Variants in NODAL observed in about 807,000 individuals in gnomAD.
NODAL encodes nodal growth differentiation factor, also known as nodal homolog.
NODAL carries 12 observed loss-of-function variants against 34.0 expected under a neutral mutation model. The ratio of observed to expected loss-of-function variants is 0.35; its 90% CI spans 0.23 to 0.57. The LOEUF (loss-of-function observed/expected upper bound fraction) is 0.57, where lower values mean the gene tolerates loss of function less well. Among genes scored for constraint, NODAL ranks in the 20% least tolerant of loss-of-function variants. The pLI is 0.83. For missense variants in NODAL, 390 were observed against 444.2 expected (o/e 0.88, Z 1.10); for synonymous variants, 162 against 186.4 (o/e 0.87, Z 1.07).
At chr10:70,443,326 G>A (rs1845452995), upstream of NODAL, among the ~76,000 whole-genome samples, 1 of 152,142 alleles carries the variant, frequency 6.6e-6, no homozygotes, top group East Asian at 1.9e-4. Context: ...AGCTGGAAAT[G>A]TCTTGTTCAT....
chr10:70,432,779 A>G lies in NODAL; in HGVS notation c.*157T>C. 1 of 817,680 alleles carries G rather than the reference A, an allele frequency of 1.2e-6. No homozygotes were observed. The highest frequency in any genetic ancestry group is 2.0e-6 in the Non-Finnish European group (1 of 489,798). The allele number at this position is 817,680 out of a possible 1,614,324, so 50.7% of individuals were successfully genotyped here. A position where few individuals can be genotyped will look rare whatever the true frequency, so the allele number is the denominator to read the frequency against. ...TTGGCCAGACTCCACTGAGCCCTTC[A>G]TTTACAGAGTGGGCAGCCCCTCCTC... On this transcript the variant is annotated 3_prime_UTR_variant, in exon 3 of 3. Coordinates refer to ENST00000287139, the MANE Select transcript of NODAL (RefSeq NM_018055.5).
At chr10:70,434,855 T>G (rs1237164488) in intron 2 of NODAL, 2 of 202,162 alleles carry the variant, frequency 9.9e-6, no homozygotes, top group Admixed American at 1.1e-4. Context: ...GCCCTCCTCA[T>G]CTTACAGGTG....
rs1845268736 is a variant in NODAL, at chr10:70,432,048, C to T, written c.*888G>A. 6.6e-6 allele frequency among the ~76,000 whole-genome samples: 1 copy of T among 152,222 alleles called. No individual in the cohort carries two copies. Among genetic ancestry groups the T allele is most frequent in the South Asian group, 2.1e-4 (1 of 4,830 alleles). On this transcript the variant is annotated 3_prime_UTR_variant, in exon 3 of 3. Coordinates refer to ENST00000287139, the MANE Select transcript of NODAL (RefSeq NM_018055.5). ...GGACAGTGAATTGCTCACCTGAGGT[C>T]GCACAGCTTCCAGTGGCTGAGCTGT...
intron 1 of NODAL, 143 bp downstream of exon 1, chr10:70,441,329 GGCC>G (rs1328099971): frequency 1.2e-6 from 1 of 815,826 alleles, no homozygotes; most frequent in Non-Finnish European, 1.9e-6. Context: ...CGCAGAGCTA[GGCC>G]CTGGGCTCGG....
chr10:70,440,418 G>T (rs1845412595), intron 1 of NODAL, among the ~76,000 whole-genome samples: 1 of 152,208 alleles, frequency 6.6e-6, no homozygotes, highest in Non-Finnish European at 1.5e-5. Flanking sequence ...TCCGGAGAGG[G>T]TCACCGGCTG....
intron 1 of NODAL, chr10:70,436,549 ACT>A (rs36079485): frequency 0.48 from 58,485 of 122,842 alleles, 13,586 homozygotes; most frequent in East Asian, 0.68. Context: ...CAAGAGTGAA[ACT>A]CTGTCTCAAA....
chr10:70,435,263 C>T (rs1405253495), intron 2 of NODAL, 23 bp downstream of exon 2: 1 of 1,583,948 alleles, frequency 6.3e-7, no homozygotes, highest in Non-Finnish European at 8.6e-7. Context: ...TGCCTCCCCT[C>T]CCCCTCACGC....
chr10:70,441,503 T>C lies in NODAL; in HGVS notation c.165A>G (p.Ala55=), dbSNP rs142452380. The change falls in exon 1 of 3, where the codon GCA becomes GCG. Residue 55 remains alanine (A), a synonymous_variant. Transcript: ENST00000287139. ...CTGCCTGTAGGCTGCGGATGATGTC[T>C]GCCCTCGGCAGCGGGTCGCGGTAGA... ...LSLYRDPLPR[A]DIIRSLQAED... The C allele has an allele frequency of 6.3e-6, 10 of 1,593,688 alleles. No individual in the cohort carries two copies. The African/African-American group carries it at 9.4e-5, about 15-fold the overall frequency.
chr10:70,434,242 G>C (rs1478778331), intron 2 of NODAL, among the ~76,000 whole-genome samples: 1 of 152,266 alleles, frequency 6.6e-6, no homozygotes, highest in East Asian at 1.9e-4. Context: ...ACCATATTAG[G>C]TTATATTTTC....
chr10:70,433,307 T>C (rs532756844), intron 2 of NODAL, among the ~76,000 whole-genome samples: 1 of 152,356 alleles, frequency 6.6e-6, no homozygotes, highest in South Asian at 2.1e-4. Flanking sequence ...AAACAGCCTT[T>C]AAACAGATTC....
In NODAL at chr10:70,432,608, CG is replaced by C. The variant is rs1301757886; in HGVS notation, c.*327del. 8 of 387,708 alleles carry C rather than the reference CG, an allele frequency of 2.1e-5. No individual in the cohort carries two copies. The highest frequency in any genetic ancestry group is 3.4e-5 in the Non-Finnish European group (7 of 203,194). The allele number at this position is 387,708 out of a possible 1,614,324, so 24.0% of individuals were successfully genotyped here. The stretch of plus-strand genomic sequence containing the variant: ...ATGTCTCAACTTTCACATACAGTTT[CG>C]GGGGGTTCACAGGTTTTTAAAAAAT... On this transcript the variant is annotated 3_prime_UTR_variant, in exon 3 of 3. Transcript: ENST00000287139.
At chr10:70,436,026 C>G (rs1845349302) in intron 1 of NODAL, 43 bp from the exon 2 acceptor site, 1 of 1,522,556 alleles carries the variant, frequency 6.6e-7, no homozygotes, top group African/African-American at 1.4e-5. Context: ...TGAGTGAGGG[C>G]CTCCCCCAGC....
chr10:70,435,897 G>A lies in NODAL; in HGVS notation c.280C>T (p.Arg94Trp), dbSNP rs778607015. Residue 94 changes from arginine (R) to tryptophan (W), a missense_variant, in exon 2 of 3, where the codon CGG (arginine) becomes TGG (tryptophan). Transcript: ENST00000287139. Reference sequence around the variant, plus strand: ...TCCACAGGGCTGGACAGCTGCAGCCGGAGCTCAGCCCATGCCAGATCCTCT... The same window carrying A: ...TCCACAGGGCTGGACAGCTGCAGCCAGAGCTCAGCCCATGCCAGATCCTCT... ...QQEDLAWAEL[R>W]LQLSSPVDLP... 26 of 1,614,024 alleles carry A rather than the reference G, an allele frequency of 1.6e-5. No homozygotes were observed. Among genetic ancestry groups the A allele is most frequent in the Admixed American group, 5.0e-5 (3 of 59,994 alleles).
At chr10:70,434,443 A>G (rs2231953) in intron 2 of NODAL, among the ~76,000 whole-genome samples, 1 of 152,110 alleles carries the variant, frequency 6.6e-6, no homozygotes, top group Non-Finnish European at 1.5e-5. Context: ...GCTCACTGCA[A>G]TCTCTGCCTC....
chr10:70,443,800 T>C (rs1479920478), upstream of NODAL, among the ~76,000 whole-genome samples: 1 of 151,710 alleles, frequency 6.6e-6, no homozygotes, highest in Non-Finnish European at 1.5e-5. Flanking sequence ...GATTGCGCCA[T>C]TGCACTCCAG....
upstream of NODAL, chr10:70,441,781 C>A: frequency 1.8e-6 from 2 of 1,134,610 alleles, no homozygotes; most frequent in Non-Finnish European, 2.5e-6. Flanking sequence ...CATATAACCC[C>A]CCTCCGGAGG....
At chr10:70,435,193 A>G (rs942884987) in intron 2 of NODAL, 93 bp downstream of exon 2, 12 of 1,130,678 alleles carry the variant, frequency 1.1e-5, no homozygotes, top group Middle Eastern at 2.6e-4. Context: ...GTAACTGTGA[A>G]TACAGGAACA....
chr10:70,439,944 C>T (rs1845407955), intron 1 of NODAL, among the ~76,000 whole-genome samples: 1 of 152,180 alleles, frequency 6.6e-6, no homozygotes, highest in South Asian at 2.1e-4. Flanking sequence ...CAGTGGCGCG[C>T]GCCTGTAGTC....
rs577208858 is a variant in NODAL at position 70,440,848 on chromosome 10, C to A, written c.193+627G>T. 4.6e-5 allele frequency among the ~76,000 whole-genome samples: 7 copies of A among 152,308 alleles called. No homozygotes were observed. In the South Asian group the frequency reaches 1.5e-3, roughly 32 times the overall value. On this transcript the variant is annotated intron_variant, in intron 1 of 2. Coordinates refer to ENST00000287139, the MANE Select transcript of NODAL (RefSeq NM_018055.5). ...GACTTCGGGACAGCCCATCCCTGAT[C>A]TCCGGGCCGTGAGCCCGAATCCCCG...
Sources: allele counts gnomAD v4.1 joint callset (sites outside exome capture counted in the v4.1 genomes callset), GRCh38; gene constraint gnomAD v4.1.1; transcripts MANE v1.5; gene names NCBI Gene and HGNC (gene_info 2026-07-23, HGNC 2026-07-21).